RB1CC1: variants seen among roughly 807,000 people sequenced by gnomAD.
RB1CC1 encodes RB1 inducible coiled-coil 1.
A neutral mutation model predicts 177.5 loss-of-function variants in RB1CC1; 46 were observed. The observed-to-expected ratio is 0.26, with a 90% CI of 0.20 to 0.33. RB1CC1 has a LOEUF of 0.33. RB1CC1 is among the 10% of genes least tolerant of loss of function. The pLI is 1.00. For synonymous variants in RB1CC1, 666 were observed against 613.6 expected (o/e 1.09, Z -1.26); for missense variants, 1,703 against 1,816.3 (o/e 0.94, Z 1.13).
rs777851237 is a variant in RB1CC1, at chr8:52,658,951, C to A, written c.1715G>T (p.Cys572Phe). 4 of 1,568,596 alleles carry A rather than the reference C, an allele frequency of 2.6e-6. No individual in the cohort carries two copies. Among genetic ancestry groups the A allele is most frequent in the Non-Finnish European group, 3.5e-6 (4 of 1,158,358 alleles). The part of the protein sequence containing the change: ...FCTQKPRKFD[C>F]ELPDISLKDL... ...TTTTAATGAAATATCTGGAAGTTCA[C>A]AGTCAAACTTTCGAGGCTTTTGAGT... is the stretch of plus-strand genomic sequence containing the variant. Residue 572 changes from cysteine to phenylalanine, a missense_variant, in exon 13 of 24, where the codon TGT becomes TTT. Coordinates refer to ENST00000025008, the MANE Select transcript of RB1CC1 (RefSeq NM_014781.5).
chr8:52,671,733 A>G (rs1852622289), intron 7 of RB1CC1, among the ~76,000 whole-genome samples: 1 of 152,232 alleles, frequency 6.6e-6, no homozygotes, highest in African/African-American at 2.4e-5. Context: ...ATTCTGGCAT[A>G]CACGTGCAGC....
chr8:52,661,103 A>G lies in RB1CC1; in HGVS notation c.1537T>C (p.Tyr513His), dbSNP rs767881795. 10 of 1,613,166 alleles carry G rather than the reference A, an allele frequency of 6.2e-6. No homozygotes were observed. Among genetic ancestry groups the G allele is most frequent in the Non-Finnish European group, 8.5e-6 (10 of 1,179,646 alleles). The change falls in exon 10 of 24, where the codon TAC (tyrosine) becomes CAC (histidine). Residue 513 changes from tyrosine to histidine, a missense_variant. Around this residue, in one of 6 missense-constraint regions of RB1CC1, gnomAD observed 1,169 missense variants for 1,184.7 expected, o/e 0.99. Transcript: ENST00000025008. ...VVRRKMFIKHYREWAGALVKD... is the reference protein window; with the variant it reads ...VVRRKMFIKHHREWAGALVKD... ...GAATTCAACTTGCATACCTCCCTGT[A>G]GTGTTTTATGAACATTTTTCTTCTT... is the stretch of plus-strand genomic sequence containing the variant.
intron 7 of RB1CC1, among the ~76,000 whole-genome samples, chr8:52,673,013 T>G (rs1431098869): frequency 6.6e-6 from 1 of 152,206 alleles, no homozygotes; most frequent in Non-Finnish European, 1.5e-5. Flanking sequence ...CTAGATTTTT[T>G]GTTTTCCATT....
intron 1 of RB1CC1, among the ~76,000 whole-genome samples, chr8:52,702,028 G>C (rs899630193): frequency 2.6e-5 from 4 of 151,932 alleles, no homozygotes; most frequent in Non-Finnish European, 5.9e-5. Context: ...GGCTGGTCTC[G>C]AACTCTTGAC....
At chr8:52,644,100 T>G (rs1849803016) in intron 16 of RB1CC1, among the ~76,000 whole-genome samples, 1 of 152,164 alleles carries the variant, frequency 6.6e-6, no homozygotes, top group Admixed American at 6.5e-5. Context: ...TTTTCATGAT[T>G]TTTGCCATTT....
chr8:52,711,273 T>A (rs1449310875), intron 1 of RB1CC1, among the ~76,000 whole-genome samples: 2 of 152,156 alleles, frequency 1.3e-5, no homozygotes, highest in African/African-American at 4.8e-5. Flanking sequence ...TACAAAGGGA[T>A]AGAAAGAAAT....
intron 1 of RB1CC1, among the ~76,000 whole-genome samples, chr8:52,692,664 T>G (rs1854992367): frequency 6.6e-6 from 1 of 152,188 alleles, no homozygotes; most frequent in South Asian, 2.1e-4. Context: ...TAAAATCCCT[T>G]AAATAAGACT....
intron 1 of RB1CC1, among the ~76,000 whole-genome samples, chr8:52,707,596 A>G (rs1189383257): frequency 1.3e-5 from 2 of 151,868 alleles, no homozygotes; most frequent in Non-Finnish European, 2.9e-5. Context: ...TCTGTCTTTA[A>G]ATCTCTATCC....
At chr8:52,664,848 A>G (rs1034332967) in intron 8 of RB1CC1, among the ~76,000 whole-genome samples, 2 of 152,198 alleles carry the variant, frequency 1.3e-5, no homozygotes, top group African/African-American at 2.4e-5. Flanking sequence ...CTTGAGGGCA[A>G]TATCAGCAAT....
At chr8:52,674,913 C>T (rs1307446700) in intron 6 of RB1CC1, among the ~76,000 whole-genome samples, 1 of 152,010 alleles carries the variant, frequency 6.6e-6, no homozygotes, top group African/African-American at 2.4e-5. Flanking sequence ...AACCTTATGG[C>T]CTTAAGTAAA....
chr8:52,669,541 G>C (rs772102679), intron 7 of RB1CC1, among the ~76,000 whole-genome samples: 1 of 152,152 alleles, frequency 6.6e-6, no homozygotes, highest in African/African-American at 2.4e-5. Flanking sequence ...GTGTAGTTAA[G>C]AGGGTGCATG....
At chr8:52,664,995 T>A (rs969673607) in intron 8 of RB1CC1, among the ~76,000 whole-genome samples, 1 of 151,980 alleles carries the variant, frequency 6.6e-6, no homozygotes, top group Non-Finnish European at 1.5e-5. Flanking sequence ...AAAGAAAAAG[T>A]AGAGAGAGAA....
At chr8:52,626,561 T>C (rs989522319) in intron 22 of RB1CC1, among the ~76,000 whole-genome samples, 60 of 152,314 alleles carry the variant, frequency 3.9e-4, no homozygotes, top group Admixed American at 2.4e-3. Context: ...AAATATAGGT[T>C]TTCTTTGTAC....
chr8:52,657,926 A>G lies in RB1CC1; in HGVS notation c.1921-18T>C. 6.2e-7 allele frequency: 1 copy of G among 1,611,782 alleles called. No homozygotes were observed. The highest frequency in any genetic ancestry group is 1.1e-5 in the South Asian group (1 of 90,982). On this transcript the variant is annotated intron_variant, in intron 14 of 23. Coordinates refer to ENST00000025008, the MANE Select transcript of RB1CC1 (RefSeq NM_014781.5). ...ACAGATGCCTGGAAAACAGAAAGAA[A>G]GGCTTAAAGAGCTGCAGGAACACAA...
intron 1 of RB1CC1, among the ~76,000 whole-genome samples, chr8:52,691,084 G>A (rs571311209): frequency 5.3e-5 from 8 of 152,056 alleles, no homozygotes; most frequent in South Asian, 4.2e-4. Flanking sequence ...TGTAGTTTCC[G>A]CCCCTCAGAT....
At chr8:52,637,667 A>G (rs1414827712) in intron 18 of RB1CC1, among the ~76,000 whole-genome samples, 2 of 151,614 alleles carry the variant, frequency 1.3e-5, no homozygotes, top group Non-Finnish European at 2.9e-5. Context: ...GCATTTATTT[A>G]TTTATTTATT....
At chr8:52,692,900 C>G (rs891690902) in intron 1 of RB1CC1, among the ~76,000 whole-genome samples, 3 of 152,166 alleles carry the variant, frequency 2.0e-5, no homozygotes, top group African/African-American at 4.8e-5. Flanking sequence ...AAGTCATCAT[C>G]CAAGAAATGG....
At chr8:52,645,398 C>T (rs979012414) in intron 16 of RB1CC1, among the ~76,000 whole-genome samples, 4 of 152,058 alleles carry the variant, frequency 2.6e-5, no homozygotes, top group African/African-American at 9.7e-5. Context: ...ACATAGGTAG[C>T]GAAGAAACCA....
intron 8 of RB1CC1, among the ~76,000 whole-genome samples, chr8:52,664,480 T>A (rs1851893197): frequency 6.6e-6 from 1 of 152,152 alleles, no homozygotes; most frequent in African/African-American, 2.4e-5. Context: ...AGTAACAATA[T>A]TACCTATAGT....
Sources: allele counts gnomAD v4.1 joint callset (sites outside exome capture counted in the v4.1 genomes callset), GRCh38; gene constraint gnomAD v4.1.1; regional missense constraint gnomAD v4.1.1; transcripts MANE v1.5; gene names NCBI Gene and HGNC (gene_info 2026-07-23, HGNC 2026-07-21).